The following SLC14A2 variants were observed in gnomAD, a reference collection of about 807,000 sequenced individuals.
SLC14A2 encodes the protein urea transporter 2.
SLC14A2 carries 91 observed loss-of-function variants against 104.6 expected under a neutral mutation model. The observed-to-expected ratio is 0.87, with a 90% CI of 0.73 to 1.04. The LOEUF (loss-of-function observed/expected upper bound fraction) is 1.04, where lower values mean the gene tolerates loss of function less well. Ranked by LOEUF, SLC14A2 falls within the 50% of genes least tolerant of loss-of-function variation. The probability of loss-of-function intolerance (pLI) is 0.00; values close to 1 mark genes in which losing one functional copy is unlikely to be tolerated. For missense variants in SLC14A2, 1,189 were observed against 1,156.0 expected (o/e 1.03, Z -0.41); for synonymous variants, 476 against 466.4 (o/e 1.02, Z -0.27).
At chr18:45,175,545 T>C in the SLC14A2 span, among the ~76,000 whole-genome samples, 4 of 152,150 alleles carry the variant, frequency 2.6e-5, no homozygotes, top group Admixed American at 2.6e-4. Context: ...TGTTGAACTT[T>C]TGTGACTTAT....
rs1253966495 is a variant in SLC14A2 at position 45,627,066 on chromosome 18, T to C, written c.440T>C (p.Ile147Thr). 6.2e-7 allele frequency: 1 copy of C among 1,613,876 alleles called. No individual in the cohort carries two copies. Among genetic ancestry groups the C allele is most frequent in the Non-Finnish European group, 8.5e-7 (1 of 1,179,980 alleles). Reference sequence around the variant, plus strand: ...CTCATCATCTTCATAGGGCTGCTGATCCAGAATCCCTGGTGGACAATCACT... The same window carrying C: ...CTCATCATCTTCATAGGGCTGCTGACCCAGAATCCCTGGTGGACAATCACT... ...SGLIIFIGLL[I>T]QNPWWTITGG... Residue 147 changes from isoleucine to threonine, a missense_variant, in exon 4 of 20, where the codon ATC becomes ACC. Physicochemically the swap from Ile to Thr is moderately conservative, Grantham distance 89. Coordinates refer to ENST00000255226, the MANE Select transcript of SLC14A2 (RefSeq NM_007163.4).
intron 2 of SLC14A2, among the ~76,000 whole-genome samples, chr18:45,552,641 G>A (rs907907007): frequency 1.3e-5 from 2 of 152,224 alleles, no homozygotes; most frequent in African/African-American, 4.8e-5. Flanking sequence ...GATGAGGGAG[G>A]AAGAGTGTCA....
the SLC14A2 span, among the ~76,000 whole-genome samples, chr18:45,173,343 C>T: frequency 6.6e-6 from 1 of 151,984 alleles, no homozygotes; most frequent in Non-Finnish European, 1.5e-5. Flanking sequence ...ATATAGGATG[C>T]CTAATCATAG....
chr18:45,176,082 C>G, the SLC14A2 span, among the ~76,000 whole-genome samples: 1 of 152,096 alleles, frequency 6.6e-6, no homozygotes, highest in Non-Finnish European at 1.5e-5. Context: ...CAAGGAGGCT[C>G]TACTGAGGTC....
intron 1 of SLC14A2, among the ~76,000 whole-genome samples, chr18:45,352,895 C>G (rs1029895019): frequency 6.6e-6 from 1 of 152,156 alleles, no homozygotes; most frequent in Non-Finnish European, 1.5e-5. Context: ...AGAATCACAG[C>G]AGATTTAGAG....
At chr18:45,595,486 C>T (rs1187156867) in intron 2 of SLC14A2, among the ~76,000 whole-genome samples, 1 of 152,104 alleles carries the variant, frequency 6.6e-6, no homozygotes, top group Non-Finnish European at 1.5e-5. Flanking sequence ...TTTGCCACTG[C>T]ATTTAGACTG....
At chr18:45,641,399 G>A (rs2045526409) in intron 8 of SLC14A2, 56 bp downstream of exon 8, 1 of 1,600,186 alleles carries the variant, frequency 6.2e-7, no homozygotes, top group Non-Finnish European at 8.6e-7. Context: ...TTCCCCCCTT[G>A]TTTATGTGAA....
intron 1 of SLC14A2, among the ~76,000 whole-genome samples, chr18:45,366,457 C>G (rs183453440): frequency 6.6e-5 from 10 of 152,340 alleles, no homozygotes; most frequent in Admixed American, 6.5e-4. Flanking sequence ...CGTGTGGCCA[C>G]TCCTACCTAC....
chr18:45,446,354 A>G (rs956102748), intron 1 of SLC14A2, among the ~76,000 whole-genome samples: 1 of 152,136 alleles, frequency 6.6e-6, no homozygotes, highest in African/African-American at 2.4e-5. Context: ...CTATGATGGG[A>G]TTAGTGTCCT....
chr18:45,493,250 G>GT (rs1207614730), intron 2 of SLC14A2: 7 of 152,104 alleles, frequency 4.6e-5, no homozygotes, highest in Non-Finnish European at 8.8e-5. Flanking sequence ...TTTGCAACTT[G>GT]TTTTTCAGAG....
chr18:45,566,974 A>C (rs1207004603), intron 2 of SLC14A2, among the ~76,000 whole-genome samples: 1 of 151,970 alleles, frequency 6.6e-6, no homozygotes, highest in Admixed American at 6.6e-5. Context: ...CTGGTGATTT[A>C]TTTGAGCTGA....
chr18:45,346,238 C>T (rs1462731926), intron 1 of SLC14A2, among the ~76,000 whole-genome samples: 1 of 152,186 alleles, frequency 6.6e-6, no homozygotes, highest in Non-Finnish European at 1.5e-5. Context: ...TCACTGCAAC[C>T]TCTGCCTCCC....
intron 2 of SLC14A2, among the ~76,000 whole-genome samples, chr18:45,531,944 T>A (rs912204221): frequency 4.6e-5 from 7 of 152,198 alleles, no homozygotes; most frequent in African/African-American, 1.7e-4. Flanking sequence ...CCAGCACCAT[T>A]TATTAAATAG....
At chr18:45,206,722 A>G in the SLC14A2 span, among the ~76,000 whole-genome samples, 4 of 152,214 alleles carry the variant, frequency 2.6e-5, no homozygotes, top group Non-Finnish European at 5.9e-5. Context: ...GCTGGTAGGC[A>G]GGTACTAGTT....
intron 2 of SLC14A2, among the ~76,000 whole-genome samples, chr18:45,486,379 T>G (rs2087606263): frequency 3.9e-5 from 6 of 152,116 alleles, no homozygotes; most frequent in Non-Finnish European, 8.8e-5. Flanking sequence ...TTTTTTAATC[T>G]GAAAAGTGGT....
chr18:45,609,906 C>A (rs2044943632), intron 2 of SLC14A2, among the ~76,000 whole-genome samples: 1 of 152,174 alleles, frequency 6.6e-6, no homozygotes, highest in South Asian at 2.1e-4. Context: ...AGGTGCTTGC[C>A]ATTTCCTTTC....
At chr18:45,213,820 GA>G (rs1475431905) in intron 1 of SLC14A2, among the ~76,000 whole-genome samples, 1 of 152,144 alleles carries the variant, frequency 6.6e-6, no homozygotes, top group East Asian at 1.9e-4. Flanking sequence ...CAATTTGGGG[GA>G]AAGTATCAAC....
At chr18:45,205,839 T>C in the SLC14A2 span, among the ~76,000 whole-genome samples, 1 of 152,230 alleles carries the variant, frequency 6.6e-6, no homozygotes, top group Non-Finnish European at 1.5e-5. Context: ...TGTGAATCCC[T>C]GTGATTTCAA....
chr18:45,649,015 CA>C (rs565659003), intron 10 of SLC14A2, among the ~76,000 whole-genome samples: 23 of 151,916 alleles, frequency 1.5e-4, no homozygotes, highest in Non-Finnish European at 3.1e-4. Flanking sequence ...ACTAAAAATA[CA>C]AAAAAATTGC....
Sources: gnomAD v4.1 joint callset for allele counts (sites outside exome capture counted in the v4.1 genomes callset) on GRCh38, gnomAD v4.1.1 for gene constraint, MANE v1.5 for transcripts, NCBI Gene and HGNC (gene_info 2026-07-23, HGNC 2026-07-21) for gene names.